FEZ2: variants seen among roughly 807,000 people sequenced by gnomAD.
The protein encoded by FEZ2 is fasciculation and elongation protein zeta 2.
Under a neutral mutation model 40.4 loss-of-function variants are expected in FEZ2, and 51 were observed. That is an observed-to-expected ratio of 1.26 (90% CI 1.01 to 1.59). The LOEUF (loss-of-function observed/expected upper bound fraction) is 1.59. Ranked by LOEUF, FEZ2 falls within the 40% of genes most tolerant of loss-of-function variation. The probability of loss-of-function intolerance (pLI) is 0.00; values close to 1 mark genes in which losing one functional copy is unlikely to be tolerated. For missense variants in FEZ2, 640 were observed against 438.3 expected, an observed-to-expected ratio of 1.46 and a Z score of -4.11; for synonymous variants, 242 against 172.0, an observed-to-expected ratio of 1.41 and a Z score of -3.18.
intron 2 of FEZ2, among the ~76,000 whole-genome samples, chr2:36,586,933 G>A (rs1237776364): frequency 6.6e-6 from 1 of 152,208 alleles, no homozygotes; most frequent in Non-Finnish European, 1.5e-5. Context: ...GCAACAGAGG[G>A]AGACACTCTC....
Position 36,553,042 on chromosome 2 carries a change from G to C in FEZ2, c.*121C>G, listed in dbSNP as rs1667859660. 4 of 780,480 alleles carry C rather than the reference G, an allele frequency of 5.1e-6. No homozygotes were observed. Among genetic ancestry groups the C allele is most frequent in the Non-Finnish European group, 8.6e-6 (4 of 462,766 alleles). The allele number at this position is 780,480 out of a possible 1,614,324, so 48.3% of individuals were successfully genotyped here. Reference sequence around the variant, plus strand: ...AGTGTAGTCAAGATCTGTTAATACTGAATCAAACCCAAGTTCAAATGTGCT... The same window carrying C: ...AGTGTAGTCAAGATCTGTTAATACTCAATCAAACCCAAGTTCAAATGTGCT... On this transcript the variant is annotated 3_prime_UTR_variant, in exon 8 of 8. Coordinates refer to ENST00000405912, the MANE Select transcript of FEZ2 (RefSeq NM_005102.3).
intron 3 of FEZ2, 104 bp downstream of exon 3, chr2:36,583,249 G>A (rs1668803505): frequency 1.5e-6 from 1 of 669,436 alleles, no homozygotes; most frequent in African/African-American, 1.8e-5. Context: ...GAAAAAAATA[G>A]GAAAGATAAG....
At chr2:36,567,605 T>C (rs1035849414) in intron 5 of FEZ2, among the ~76,000 whole-genome samples, 10 of 151,546 alleles carry the variant, frequency 6.6e-5, no homozygotes, top group Admixed American at 4.6e-4. Context: ...CTACTAAAAG[T>C]ACAAAAATTA....
chr2:36,552,647 A>G lies in FEZ2; in HGVS notation c.*516T>C. 1 of 203,224 alleles carries G rather than the reference A, an allele frequency of 4.9e-6. No individual in the cohort carries two copies. Among genetic ancestry groups the G allele is most frequent in the Non-Finnish European group, 1.0e-5 (1 of 99,202 alleles). 12.6% of individuals were successfully genotyped at this position (203,224 alleles called of 1,614,324 possible). ...TAGCACTAAGTATTAAACCAAAGTA[A>G]TGCATATTCTGGTTTTGCTTCTTCA... On this transcript the variant is annotated 3_prime_UTR_variant, in exon 8 of 8. Coordinates refer to ENST00000405912, the MANE Select transcript of FEZ2 (RefSeq NM_005102.3).
At chr2:36,575,714 A>G (rs905173407) in intron 5 of FEZ2, among the ~76,000 whole-genome samples, 1 of 149,964 alleles carries the variant, frequency 6.7e-6, no homozygotes, top group African/African-American at 2.5e-5. Flanking sequence ...TATGCCCTCT[A>G]TTTTTTTTTT....
chr2:36,564,129 G>T (rs1573004509), intron 5 of FEZ2, among the ~76,000 whole-genome samples: 2 of 152,098 alleles, frequency 1.3e-5, no homozygotes, highest in South Asian at 2.1e-4. Context: ...ACAGAGACTG[G>T]CACATGGCAA....
rs1026590299 is a variant in FEZ2, at chr2:36,575,971, G to GA, written c.903+2625dup. Among the ~76,000 whole-genome samples the GA allele has an allele frequency of 6.9e-3, 1,012 of 146,080 alleles. 12 individuals are homozygous for GA. Among genetic ancestry groups the GA allele is most frequent in the African/African-American group, 0.024 (952 of 39,928 alleles). ...TAAAACAAAAATATCTCAGGCAGGA[G>GA]AAAAAAAAAAGTGACTTATGTTATT... On this transcript the variant is annotated intron_variant, in intron 5 of 7. Coordinates refer to ENST00000405912, the MANE Select transcript of FEZ2 (RefSeq NM_005102.3).
chr2:36,590,933 G>C lies in FEZ2; in HGVS notation c.345C>G (p.His115Gln). Residue 115 changes from histidine (H) to glutamine (Q), a missense_variant, in exon 2 of 8, where the codon CAC (histidine) becomes CAG (glutamine). Physicochemically the swap from His to Gln is conservative, Grantham distance 24. Coordinates refer to ENST00000405912, the MANE Select transcript of FEZ2 (RefSeq NM_005102.3). ...TTTCTGAGAGGTTCAGAGTAAGCAA[G>C]TGCAAGGTCCTAGTATGCGATGACT... ...DWKSSHTRTL[H>Q]LLTLNLSEKG... 1.2e-6 allele frequency: 2 copies of C among 1,611,064 alleles called. No individual in the cohort carries two copies. Among genetic ancestry groups the C allele is most frequent in the Non-Finnish European group, 1.7e-6 (2 of 1,177,170 alleles).
chr2:36,569,197 C>A (rs1668337878), intron 5 of FEZ2, among the ~76,000 whole-genome samples: 1 of 152,162 alleles, frequency 6.6e-6, no homozygotes, highest in Admixed American at 6.5e-5. Flanking sequence ...AAGTACCTAG[C>A]AAAGTGCTCA....
intron 5 of FEZ2, among the ~76,000 whole-genome samples, chr2:36,573,940 A>T (rs1282437745): frequency 6.6e-6 from 1 of 152,252 alleles, no homozygotes; most frequent in African/African-American, 2.4e-5. Context: ...GGTCATTTAA[A>T]GCCATTTAAA....
chr2:36,555,902 C>T (rs1011009084), intron 6 of FEZ2, 154 bp from the exon 7 acceptor site: 45 of 671,548 alleles, frequency 6.7e-5, no homozygotes, highest in Non-Finnish European at 1.1e-4. Context: ...GGGGATACAA[C>T]AATAAAGGCC....
At chr2:36,565,025 A>G (rs2125224142) in intron 5 of FEZ2, among the ~76,000 whole-genome samples, 1 of 152,270 alleles carries the variant, frequency 6.6e-6, no homozygotes, top group South Asian at 2.1e-4. Flanking sequence ...TGCTGACAAG[A>G]TTTACATACC....
In FEZ2 at chr2:36,558,469, C is replaced by G; in HGVS notation, c.948G>C (p.Pro316=). ...TTAATATTTGAAGATCTTCAACAGA[C>G]GGTGGTCCGTTTTTTTTCTCATAAG... ...VIPYEKKNGP[P]SVEDLQILTK... Residue 316 remains proline (P), a synonymous_variant, in exon 6 of 8, where the codon CCG becomes CCC. Transcript: ENST00000405912. 1 of 1,526,830 alleles carries G rather than the reference C, an allele frequency of 6.5e-7. No individual in the cohort carries two copies. Among genetic ancestry groups the G allele is most frequent in the Non-Finnish European group, 8.8e-7 (1 of 1,133,316 alleles). The allele number at this position is 1,526,830 out of a possible 1,614,324, so 94.6% of individuals were successfully genotyped here.
chr2:36,596,966 G>A (rs1388888704), intron 1 of FEZ2, among the ~76,000 whole-genome samples: 3 of 152,032 alleles, frequency 2.0e-5, no homozygotes, highest in Non-Finnish European at 4.4e-5. Flanking sequence ...GGAACTCTGC[G>A]CCTCACCTCT....
chr2:36,580,625 C>T (rs1668709695), intron 4 of FEZ2, among the ~76,000 whole-genome samples: 1 of 152,204 alleles, frequency 6.6e-6, no homozygotes, highest in African/African-American at 2.4e-5. Flanking sequence ...ACACACAAGA[C>T]TATTTGTACA....
At chr2:36,585,206 G>A (rs1158835199) in intron 2 of FEZ2, among the ~76,000 whole-genome samples, 1 of 152,172 alleles carries the variant, frequency 6.6e-6, no homozygotes, top group Non-Finnish European at 1.5e-5. Flanking sequence ...TTCCATGTTT[G>A]GAGAAATTCC....
intron 5 of FEZ2, among the ~76,000 whole-genome samples, chr2:36,567,469 T>C (rs937691214): frequency 6.6e-6 from 1 of 152,012 alleles, no homozygotes; most frequent in Non-Finnish European, 1.5e-5. Flanking sequence ...GACTAAGAAA[T>C]CTCAAACCCC....
intron 5 of FEZ2, among the ~76,000 whole-genome samples, chr2:36,574,827 T>A (rs74995958): frequency 1.3e-5 from 2 of 152,132 alleles, no homozygotes; most frequent in African/African-American, 4.8e-5. Context: ...CCCCCCATCC[T>A]CTGCTCCTCC....
chr2:36,577,131 T>C (rs978858441), intron 5 of FEZ2, among the ~76,000 whole-genome samples: 4 of 152,178 alleles, frequency 2.6e-5, no homozygotes, highest in African/African-American at 9.7e-5. Context: ...CAAATGTGGG[T>C]TGGTTTTGGG....
Sources: allele counts gnomAD v4.1 joint callset (sites outside exome capture counted in the v4.1 genomes callset), GRCh38; gene constraint gnomAD v4.1.1; transcripts MANE v1.5; gene names NCBI Gene and HGNC (gene_info 2026-07-23, HGNC 2026-07-21).